RBFOX1: variants seen among roughly 807,000 people sequenced by gnomAD.
The protein encoded by RBFOX1 is RNA binding fox-1 homolog 1, also known as RNA binding protein fox-1 homolog 1.
Under a neutral mutation model 57.7 loss-of-function variants are expected in RBFOX1, and 8 were observed. That is an observed-to-expected ratio of 0.14 (90% CI 0.08 to 0.25). RBFOX1 has a LOEUF of 0.25. Among genes scored for constraint, RBFOX1 ranks in the 10% least tolerant of loss-of-function variants. RBFOX1 has a pLI of 1.00. For synonymous variants in RBFOX1, 326 were observed against 222.4 expected, an observed-to-expected ratio of 1.47 and a Z score of -4.15; for missense variants, 611 against 548.5, an observed-to-expected ratio of 1.11 and a Z score of -1.14.
chr16:7,284,094 G>A (rs765867071), intron 4 of RBFOX1, among the ~76,000 whole-genome samples: 5 of 152,202 alleles, frequency 3.3e-5, no homozygotes, highest in Non-Finnish European at 7.3e-5. Context: ...CATCCAGGTA[G>A]TTGCATCTAT....
intron 4 of RBFOX1, among the ~76,000 whole-genome samples, chr16:7,122,880 C>A (rs1049204560): frequency 3.9e-5 from 6 of 152,066 alleles, no homozygotes; most frequent in African/African-American, 1.4e-4. Flanking sequence ...AAAGGAGCAA[C>A]TATTGATATA....
intron 1 of RBFOX1, among the ~76,000 whole-genome samples, chr16:6,238,323 C>T (rs1203847819): frequency 6.6e-6 from 1 of 152,086 alleles, no homozygotes; most frequent in African/African-American, 2.4e-5. Context: ...TTCAGGTTTG[C>T]CCTTAATCCA....
intron 3 of RBFOX1, among the ~76,000 whole-genome samples, chr16:6,950,113 ATTTTTT>A (rs58222300): frequency 9.1e-5 from 11 of 120,936 alleles, no homozygotes; most frequent in Non-Finnish European, 1.3e-4. Flanking sequence ...CGCAGAGGTA[ATTTTTT>A]TTTTTTTTTT....
chr16:7,088,475 C>T (rs1323639261), intron 4 of RBFOX1, among the ~76,000 whole-genome samples: 1 of 151,650 alleles, frequency 6.6e-6, no homozygotes, highest in African/African-American at 2.4e-5. Context: ...CAAGATTGGT[C>T]TTGAAAAAGG....
intron 3 of RBFOX1, among the ~76,000 whole-genome samples, chr16:5,775,247 C>G (rs934629334): frequency 1.3e-5 from 2 of 152,190 alleles, no homozygotes; most frequent in African/African-American, 2.4e-5. Context: ...ACCACCATAG[C>G]TGTTCCTAAG....
chr16:6,919,160 T>G (rs1436675452), intron 3 of RBFOX1, among the ~76,000 whole-genome samples: 1 of 151,970 alleles, frequency 6.6e-6, no homozygotes, highest in African/African-American at 2.4e-5. Context: ...TTTGTATTGT[T>G]TTTTTGGAGA....
chr16:5,391,463 G>C (rs1232499480), intron 1 of RBFOX1, among the ~76,000 whole-genome samples: 1 of 152,068 alleles, frequency 6.6e-6, no homozygotes, highest in Non-Finnish European at 1.5e-5. Flanking sequence ...CACATGTAAG[G>C]TCCCTTGGGA....
chr16:6,155,321 G>A (rs184584019), intron 1 of RBFOX1, among the ~76,000 whole-genome samples: 47 of 152,264 alleles, frequency 3.1e-4, no homozygotes, highest in African/African-American at 9.9e-4. Flanking sequence ...AGTGTTCAGC[G>A]CCGTGGAGCT....
At chr16:6,637,608 T>C (rs1218185822) in intron 2 of RBFOX1, among the ~76,000 whole-genome samples, 1 of 147,336 alleles carries the variant, frequency 6.8e-6, no homozygotes, top group African/African-American at 2.5e-5. Context: ...TATTAGAATG[T>C]GCATTTAACT....
intron 4 of RBFOX1, among the ~76,000 whole-genome samples, chr16:7,202,106 A>C (rs926089086): frequency 6.6e-6 from 1 of 152,144 alleles, no homozygotes; most frequent in Non-Finnish European, 1.5e-5. Context: ...ACTCAACAAC[A>C]ACAACAACCA....
intron 3 of RBFOX1, among the ~76,000 whole-genome samples, chr16:5,829,667 A>G (rs895819248): frequency 1.0e-4 from 12 of 116,902 alleles, no homozygotes; most frequent in Non-Finnish European, 3.8e-5. Context: ...TCTGCTGTCC[A>G]TGAGCCAGGC....
chr16:5,992,872 G>A (rs539427741), intron 4 of RBFOX1, among the ~76,000 whole-genome samples: 1 of 152,300 alleles, frequency 6.6e-6, no homozygotes, highest in South Asian at 2.1e-4. Context: ...AGGTGGAAGA[G>A]GTTGCAGTGA....
chr16:7,619,129 T>G (rs10492764), intron 10 of RBFOX1, among the ~76,000 whole-genome samples: 10 of 152,218 alleles, frequency 6.6e-5, no homozygotes, highest in African/African-American at 2.4e-4. Flanking sequence ...TTAAATCTGA[T>G]GCAAAGGTTA....
chr16:5,828,193 G>T, intron 3 of RBFOX1, among the ~76,000 whole-genome samples: 1 of 151,380 alleles, frequency 6.6e-6, no homozygotes, highest in Non-Finnish European at 1.5e-5. Context: ...CCATGTATCT[G>T]TCCGCTCATC....
At chr16:6,624,419 A>G (rs2098275865) in intron 2 of RBFOX1, among the ~76,000 whole-genome samples, 1 of 152,150 alleles carries the variant, frequency 6.6e-6, no homozygotes, top group Non-Finnish European at 1.5e-5. Context: ...TATATATGTC[A>G]GAAGGCTGAG....
chr16:5,741,624 A>G (rs893622933), intron 3 of RBFOX1, among the ~76,000 whole-genome samples: 3 of 152,218 alleles, frequency 2.0e-5, no homozygotes, highest in South Asian at 2.1e-4. Flanking sequence ...ATATTTCTCT[A>G]TAACAATTTA....
At chr16:6,889,404 G>A (rs1316920814) in intron 3 of RBFOX1, among the ~76,000 whole-genome samples, 1 of 152,110 alleles carries the variant, frequency 6.6e-6, no homozygotes, top group African/African-American at 2.4e-5. Context: ...TACATATGAC[G>A]GCTCTGTCAA....
intron 4 of RBFOX1, among the ~76,000 whole-genome samples, chr16:7,114,720 C>T (rs553350174): frequency 1.0e-3 from 154 of 152,322 alleles, no homozygotes; most frequent in African/African-American, 3.4e-3. Context: ...TTTCTACGCT[C>T]ATGAAGAGTC....
At chr16:7,301,730 C>A (rs117919668) in intron 4 of RBFOX1, among the ~76,000 whole-genome samples, 1 of 151,860 alleles carries the variant, frequency 6.6e-6, no homozygotes, top group African/African-American at 2.4e-5. Flanking sequence ...ACAGGCTTTT[C>A]TAATGCCAGC....
Sources: allele counts gnomAD v4.1 joint callset (sites outside exome capture counted in the v4.1 genomes callset), GRCh38; gene constraint gnomAD v4.1.1; transcripts MANE v1.5; gene names NCBI Gene and HGNC (gene_info 2026-07-23, HGNC 2026-07-21).